The following LRRC4C variants were observed in gnomAD, a reference collection of about 807,000 sequenced individuals.
LRRC4C encodes the protein leucine-rich repeat-containing protein 4C.
Under a neutral mutation model 33.6 loss-of-function variants are expected in LRRC4C, and 5 were observed. That is an observed-to-expected ratio of 0.15 (90% confidence interval 0.08 to 0.31). The LOEUF (loss-of-function observed/expected upper bound fraction) is 0.31. Among genes scored for constraint, LRRC4C ranks in the 10% least tolerant of loss-of-function variants. LRRC4C has a pLI of 1.00. For missense variants in LRRC4C, 560 were observed against 796.7 expected (o/e 0.70, Z 3.58); for synonymous variants, 329 against 302.0 (o/e 1.09, Z -0.93).
chr11:41,177,853 G>A (rs1945273261), intron 1 of LRRC4C, among the ~76,000 whole-genome samples: 1 of 152,150 alleles, frequency 6.6e-6, no homozygotes, highest in African/African-American at 2.4e-5. Context: ...TGCAGTAACT[G>A]TTTAATAACA....
intron 2 of LRRC4C, among the ~76,000 whole-genome samples, chr11:40,776,330 T>G (rs1375606669): frequency 6.6e-6 from 1 of 152,020 alleles, no homozygotes; most frequent in African/African-American, 2.4e-5. Flanking sequence ...CTGTATGTCT[T>G]ATAGAATTCA....
In LRRC4C at chr11:41,231,047, A is replaced by C. The variant is rs530704196; in HGVS notation, c.-496+228384T>G. On this transcript the variant is annotated intron_variant, in intron 1 of 6. Coordinates refer to ENST00000528697, the MANE Select transcript of LRRC4C (RefSeq NM_001258419.2). ...ATTGCTGGCCATCAGAGAAATGCAA[A>C]TCAAAACCACAATGAGATACCATCT... Among the ~76,000 whole-genome samples, 27 of 152,312 alleles carry C rather than the reference A, an allele frequency of 1.8e-4. No homozygotes were observed. In the South Asian group the frequency reaches 3.9e-3, roughly 22 times the overall value.
intron 2 of LRRC4C, among the ~76,000 whole-genome samples, chr11:40,734,259 G>A (rs1355381725): frequency 2.0e-5 from 3 of 152,076 alleles, no homozygotes; most frequent in Non-Finnish European, 4.4e-5. Flanking sequence ...CCCCCTGTAA[G>A]CCAAAAACAA....
At chr11:40,974,251 T>G (rs1267918605) in intron 1 of LRRC4C, among the ~76,000 whole-genome samples, 4 of 152,180 alleles carry the variant, frequency 2.6e-5, no homozygotes, top group Non-Finnish European at 5.9e-5. Context: ...GGACATTTTC[T>G]TATGACTAAT....
chr11:40,192,329 A>G (rs999082988), intron 5 of LRRC4C, among the ~76,000 whole-genome samples: 79 of 152,106 alleles, frequency 5.2e-4, no homozygotes, highest in African/African-American at 1.8e-3. Flanking sequence ...GAGCAGAAGC[A>G]GGGTTGGGCA....
chr11:40,485,886 C>T (rs1953836526), intron 3 of LRRC4C, among the ~76,000 whole-genome samples: 1 of 151,872 alleles, frequency 6.6e-6, no homozygotes, highest in South Asian at 2.1e-4. Context: ...AGCAAACTAA[C>T]ACAGGAACAG....
At chr11:40,160,070 A>G (rs960474862) in intron 5 of LRRC4C, among the ~76,000 whole-genome samples, 1 of 152,212 alleles carries the variant, frequency 6.6e-6, no homozygotes, top group African/African-American at 2.4e-5. Flanking sequence ...CACAGTGGAT[A>G]GTACACTGGA....
intron 1 of LRRC4C, among the ~76,000 whole-genome samples, chr11:41,005,660 G>T (rs1854697115): frequency 6.6e-6 from 1 of 151,586 alleles, no homozygotes; most frequent in Non-Finnish European, 1.5e-5. Flanking sequence ...TCTCTGTCTT[G>T]CTCTCTCTCT....
intron 2 of LRRC4C, among the ~76,000 whole-genome samples, chr11:40,763,319 G>T (rs1949312146): frequency 6.6e-6 from 1 of 151,964 alleles, no homozygotes; most frequent in Admixed American, 6.6e-5. Flanking sequence ...TACATACAGT[G>T]ATAATCTAAT....
At chr11:40,975,411 C>A (rs1460503434) in intron 1 of LRRC4C, among the ~76,000 whole-genome samples, 1 of 152,138 alleles carries the variant, frequency 6.6e-6, no homozygotes, top group East Asian at 1.9e-4. Context: ...ATAAGCTTGA[C>A]CCCGCATGAT....
chr11:40,433,439 A>G (rs1951016627), intron 3 of LRRC4C, among the ~76,000 whole-genome samples: 2 of 152,164 alleles, frequency 1.3e-5, no homozygotes, highest in Admixed American at 1.3e-4. Flanking sequence ...TGGAAGGAGA[A>G]TGGAAGTGCC....
intron 2 of LRRC4C, among the ~76,000 whole-genome samples, chr11:40,728,296 T>C (rs1365197714): frequency 6.6e-6 from 1 of 151,740 alleles, no homozygotes; most frequent in Non-Finnish European, 1.5e-5. Flanking sequence ...CATTACTGGG[T>C]ATATGTCAAA....
intron 3 of LRRC4C, among the ~76,000 whole-genome samples, chr11:40,605,504 T>A (rs1457321871): frequency 6.6e-6 from 1 of 152,154 alleles, no homozygotes; most frequent in Non-Finnish European, 1.5e-5. Context: ...ACCAGCCACA[T>A]CAAAGTCACT....
At chr11:41,138,762 T>C (rs1943374450) in intron 1 of LRRC4C, among the ~76,000 whole-genome samples, 1 of 152,162 alleles carries the variant, frequency 6.6e-6, no homozygotes, top group Admixed American at 6.5e-5. Flanking sequence ...TTCAATAAGT[T>C]CCACTGGGCT....
chr11:40,835,848 C>T (rs779313066), intron 2 of LRRC4C, among the ~76,000 whole-genome samples: 1 of 152,084 alleles, frequency 6.6e-6, no homozygotes, highest in Non-Finnish European at 1.5e-5. Flanking sequence ...CAGCAAGAAG[C>T]AGTAAAAATA....
At chr11:41,124,071 T>C (rs558050106) in intron 1 of LRRC4C, among the ~76,000 whole-genome samples, 2 of 152,320 alleles carry the variant, frequency 1.3e-5, no homozygotes, top group Middle Eastern at 3.4e-3. Flanking sequence ...TTTCTTTTGG[T>C]GAATACAATT....
At chr11:40,580,903 G>C (rs184066797) in intron 3 of LRRC4C, among the ~76,000 whole-genome samples, 4 of 152,194 alleles carry the variant, frequency 2.6e-5, no homozygotes, top group Admixed American at 2.6e-4. Context: ...CATGGACTCA[G>C]TAATACTGCT....
chr11:40,129,041 T>C (rs1288353129), intron 6 of LRRC4C, among the ~76,000 whole-genome samples: 2 of 152,194 alleles, frequency 1.3e-5, no homozygotes. Flanking sequence ...CTTGTCTTCC[T>C]TATTCAGCAG....
chr11:41,185,821 C>G (rs552266548), intron 1 of LRRC4C, among the ~76,000 whole-genome samples: 1 of 151,536 alleles, frequency 6.6e-6, no homozygotes, highest in Non-Finnish European at 1.5e-5. Flanking sequence ...AAAAGACCAA[C>G]AGATTTGAAT....
Sources: allele counts gnomAD v4.1 joint callset (sites outside exome capture counted in the v4.1 genomes callset), GRCh38; gene constraint gnomAD v4.1.1; transcripts MANE v1.5; gene names NCBI Gene and HGNC (gene_info 2026-07-23, HGNC 2026-07-21).